ABCB4: variants seen among roughly 807,000 people sequenced by gnomAD.
ABCB4 encodes the protein phosphatidylcholine translocator ABCB4.
Under a neutral mutation model 145.7 loss-of-function variants are expected in ABCB4, and 76 were observed. The observed-to-expected ratio is 0.52, with a 90% confidence interval of 0.43 to 0.63. The LOEUF (loss-of-function observed/expected upper bound fraction) is 0.63. ABCB4 is among the 30% of genes least tolerant of loss of function. ABCB4 has a pLI of 0.00. For missense variants in ABCB4, 1,234 were observed against 1,553.1 expected (o/e 0.79, Z 3.45); for synonymous variants, 517 against 566.8 (o/e 0.91, Z 1.25).
At chr7:87,386,612 G>A in the ABCB4 span, among the ~76,000 whole-genome samples, 22 of 152,022 alleles carry the variant, frequency 1.4e-4, no homozygotes, top group Admixed American at 3.3e-4. Context: ...GACTTTTGGA[G>A]CTCTTGTAAA....
chr7:87,458,555 A>G (rs1273771384), intron 4 of ABCB4, among the ~76,000 whole-genome samples: 2 of 152,206 alleles, frequency 1.3e-5, no homozygotes, highest in Non-Finnish European at 2.9e-5. Flanking sequence ...ACCTCACTCT[A>G]TCTGTTCCCA....
chr7:87,469,691 A>G (rs1260489567), intron 3 of ABCB4, among the ~76,000 whole-genome samples: 1 of 152,218 alleles, frequency 6.6e-6, no homozygotes, highest in East Asian at 1.9e-4. Flanking sequence ...AAGGAGAACT[A>G]CAAACCACTG....
chr7:87,415,468 C>T (rs1197762817), intron 21 of ABCB4, among the ~76,000 whole-genome samples: 1 of 151,874 alleles, frequency 6.6e-6, no homozygotes, highest in Non-Finnish European at 1.5e-5. Context: ...TTTAATCTTT[C>T]ATATTTAAAA....
In ABCB4 at chr7:87,426,944, AGTGT is replaced by A. The variant is rs10647775; in HGVS notation, c.1894-28_1894-25del. The A allele has an allele frequency of 2.6e-3, 2,704 of 1,030,834 alleles. No individual in the cohort carries two copies. The highest frequency in any genetic ancestry group is 0.019 in the East Asian group (738 of 39,790). The allele number at this position is 1,030,834 out of a possible 1,614,324, so 63.9% of individuals were successfully genotyped here. A position where few individuals can be genotyped will look rare whatever the true frequency, so the allele number is the denominator to read the frequency against. On this transcript the variant is annotated intron_variant, in intron 15 of 27. Transcript: ENST00000649586. ...GTCTGAAAGAATATCAAGACATTAA[AGTGT>A]GTGTGTGTGTGTGTGTGTGTGTGTG...
downstream of ABCB4, chr7:87,398,630 T>G (rs1807634652): frequency 6.2e-7 from 1 of 1,613,344 alleles, no homozygotes; most frequent in African/African-American, 1.3e-5. Flanking sequence ...GCTGATGAAC[T>G]CTACTCATCT....
chr7:87,460,503 A>G (rs1419895462), intron 4 of ABCB4, among the ~76,000 whole-genome samples: 2 of 152,064 alleles, frequency 1.3e-5, no homozygotes, highest in African/African-American at 2.4e-5. Flanking sequence ...TGTGTTACCC[A>G]ATGCTTAGCT....
chr7:87,391,510 C>A, the ABCB4 span: 16 of 1,387,146 alleles, frequency 1.2e-5, no homozygotes, highest in Middle Eastern at 4.5e-4. Context: ...ACAAAGCTAG[C>A]TTTATTAGGC....
intron 12 of ABCB4, 125 bp downstream of exon 12, chr7:87,443,194 T>C: frequency 8.1e-7 from 1 of 1,242,106 alleles, no homozygotes; most frequent in Non-Finnish European, 1.2e-6. Context: ...TCCATCGGCA[T>C]TGCCATTTTG....
the ABCB4 span, chr7:87,391,653 C>T: frequency 9.9e-6 from 16 of 1,611,218 alleles, no homozygotes; most frequent in East Asian, 6.7e-5. Context: ...AGAGACTATG[C>T]GATCATGCAC....
At chr7:87,382,988 G>A in the ABCB4 span, among the ~76,000 whole-genome samples, 1 of 152,138 alleles carries the variant, frequency 6.6e-6, no homozygotes, top group African/African-American at 2.4e-5. Context: ...TGATAAATAA[G>A]TTATAATTGA....
In ABCB4 at chr7:87,418,675, A is replaced by C. The variant is rs8187804; in HGVS notation, c.2395-55T>G. On this transcript the variant is annotated intron_variant, in intron 19 of 27. Coordinates refer to ENST00000649586, the MANE Select transcript of ABCB4 (RefSeq NM_000443.4). ...TTCAAAATTAAAACAAGCAAAGAAAACCAGACAAAGCCTCCCAAAGCTCCA... is the reference window on the plus strand; with the variant it reads ...TTCAAAATTAAAACAAGCAAAGAAACCCAGACAAAGCCTCCCAAAGCTCCA... 3.5e-4 allele frequency: 539 copies of C among 1,555,360 alleles called. 2 individuals are homozygous for C. In the African/African-American group the frequency reaches 6.6e-3, roughly 19 times the overall value.
intron 14 of ABCB4, among the ~76,000 whole-genome samples, chr7:87,433,675 GTTTT>G (rs1000391993): frequency 1.0e-5 from 1 of 100,368 alleles, no homozygotes; most frequent in African/African-American, 4.4e-5. Context: ...AATTGTTGTT[GTTTT>G]TTTTTTTTTT....
At chr7:87,469,845 C>T (rs1270291015) in intron 3 of ABCB4, among the ~76,000 whole-genome samples, 1 of 152,168 alleles carries the variant, frequency 6.6e-6, no homozygotes, top group Non-Finnish European at 1.5e-5. Context: ...CAATGACTTT[C>T]TTCATAGAAT....
chr7:87,402,452 A>T, intron 27 of ABCB4, 150 bp from the exon 28 acceptor site: 1 of 998,330 alleles, frequency 1.0e-6, no homozygotes, highest in Non-Finnish European at 1.5e-6. Flanking sequence ...ATTTTGTATA[A>T]TCAACATTTA....
Position 87,468,773 on chromosome 7 carries a change from A to G in ABCB4, c.135+3848T>C, listed in dbSNP as rs1315597088. Among the ~76,000 whole-genome samples the G allele has an allele frequency of 2.6e-5, 4 of 151,950 alleles. No homozygotes were observed. The East Asian group carries it at 7.8e-4, about 30-fold the overall frequency. On this transcript the variant is annotated intron_variant, in intron 3 of 27. Coordinates refer to ENST00000649586, the MANE Select transcript of ABCB4 (RefSeq NM_000443.4). ...TGGTGAAACCCTGTCTCTACTAAAA[A>G]TACAAAAACTAGCCAGGCGTGGTGG...
intron 4 of ABCB4, among the ~76,000 whole-genome samples, chr7:87,454,995 AT>A (rs112701680): frequency 0.072 from 10,578 of 146,726 alleles, 403 homozygotes; most frequent in African/African-American, 0.11. Context: ...TTTAAGAGGC[AT>A]TTTTTTTTTT....
chr7:87,381,620 A>T, the ABCB4 span, among the ~76,000 whole-genome samples: 2 of 152,154 alleles, frequency 1.3e-5, no homozygotes, highest in African/African-American at 2.4e-5. Flanking sequence ...ATAGCAATTA[A>T]TTTATCTAGA....
the ABCB4 span, among the ~76,000 whole-genome samples, chr7:87,392,313 TGTTA>T: frequency 3.2e-3 from 484 of 152,340 alleles, 3 homozygotes; most frequent in African/African-American, 0.011. Flanking sequence ...TCTTTATACT[TGTTA>T]GTGTCACTTC....
At chr7:87,458,850 CTCTCGCGAGTTTA>C (rs1211312694) in intron 4 of ABCB4, among the ~76,000 whole-genome samples, 1 of 152,078 alleles carries the variant, frequency 6.6e-6, no homozygotes, top group Admixed American at 6.6e-5. Context: ...AAGTTGGCAA[CTCTCGCGAGTTTA>C]TCTCTGTGTC....
Sources: allele counts gnomAD v4.1 joint callset (sites outside exome capture counted in the v4.1 genomes callset), GRCh38; gene constraint gnomAD v4.1.1; transcripts MANE v1.5; gene names NCBI Gene and HGNC (gene_info 2026-07-23, HGNC 2026-07-21).